SNTG1: variants seen among roughly 807,000 people sequenced by gnomAD.
SNTG1 encodes gamma-1-syntrophin.
A neutral mutation model predicts 74.7 loss-of-function variants in SNTG1; 39 were observed. The ratio of observed to expected loss-of-function variants is 0.52; its 90% CI spans 0.40 to 0.68. SNTG1 has a LOEUF of 0.68. Ranked by LOEUF, SNTG1 falls within the 30% of genes least tolerant of loss-of-function variation. SNTG1 has a pLI of 0.00. For synonymous variants in SNTG1, 254 were observed against 217.1 expected (o/e 1.17, Z -1.49); for missense variants, 685 against 609.5 (o/e 1.12, Z -1.30).
intron 9 of SNTG1, among the ~76,000 whole-genome samples, chr8:50,525,863 G>C (rs2130244747): frequency 6.6e-6 from 1 of 150,954 alleles, no homozygotes; most frequent in Middle Eastern, 3.4e-3. Flanking sequence ...TTGGTTTTCG[G>C]TGGTTTATTT....
chr8:50,179,557 CA>C (rs1319422497), intron 2 of SNTG1, among the ~76,000 whole-genome samples: 1 of 151,986 alleles, frequency 6.6e-6, no homozygotes, highest in African/African-American at 2.4e-5. Context: ...AATTAATACT[CA>C]AAATACATAA....
chr8:50,209,044 G>T (rs1466093028), intron 2 of SNTG1, among the ~76,000 whole-genome samples: 2 of 152,148 alleles, frequency 1.3e-5, no homozygotes, highest in East Asian at 3.9e-4. Context: ...TTTTCCAACA[G>T]TCTTAGAAAA....
At chr8:50,359,603 T>C (rs1336413330) in intron 2 of SNTG1, among the ~76,000 whole-genome samples, 1 of 152,184 alleles carries the variant, frequency 6.6e-6, no homozygotes, top group Non-Finnish European at 1.5e-5. Context: ...TAAGGAGATT[T>C]TGGAAATCTG....
intron 12 of SNTG1, among the ~76,000 whole-genome samples, chr8:50,587,187 CATA>C (rs2094655323): frequency 6.6e-6 from 1 of 151,312 alleles, no homozygotes; most frequent in Non-Finnish European, 1.5e-5. Context: ...TATACATACA[CATA>C]TATGCATACA....
At chr8:50,387,782 C>G (rs997417738) in intron 2 of SNTG1, among the ~76,000 whole-genome samples, 3 of 152,108 alleles carry the variant, frequency 2.0e-5, no homozygotes, top group African/African-American at 7.2e-5. Flanking sequence ...TCACCTGTTG[C>G]CACTTGAGTG....
chr8:50,340,279 CA>C (rs2091281195), intron 2 of SNTG1, among the ~76,000 whole-genome samples: 1 of 151,768 alleles, frequency 6.6e-6, no homozygotes, highest in Non-Finnish European at 1.5e-5. Flanking sequence ...TGAAGAAGAG[CA>C]AAACAGAAGA....
chr8:50,345,113 C>G (rs1216204265), intron 2 of SNTG1, among the ~76,000 whole-genome samples: 2 of 152,140 alleles, frequency 1.3e-5, no homozygotes, highest in African/African-American at 2.4e-5. Context: ...GTTGGTTGAG[C>G]CACCCAGCCT....
chr8:50,128,242 G>A (rs763730313), intron 1 of SNTG1, among the ~76,000 whole-genome samples: 1 of 152,046 alleles, frequency 6.6e-6, no homozygotes, highest in South Asian at 2.1e-4. Flanking sequence ...ATGGTGAACA[G>A]GAATGAAAAT....
chr8:50,305,012 C>T (rs2089823250), intron 2 of SNTG1, among the ~76,000 whole-genome samples: 1 of 152,130 alleles, frequency 6.6e-6, no homozygotes, highest in African/African-American at 2.4e-5. Context: ...AAGCGATTCT[C>T]CTACCTCAGC....
At chr8:50,341,070 TTTG>T (rs998806619) in intron 2 of SNTG1, among the ~76,000 whole-genome samples, 1 of 151,892 alleles carries the variant, frequency 6.6e-6, no homozygotes, top group African/African-American at 2.4e-5. Flanking sequence ...TTCAGCTGCT[TTTG>T]TTGTTGTTTG....
intron 4 of SNTG1, among the ~76,000 whole-genome samples, chr8:50,407,356 G>A (rs1248375101): frequency 1.3e-5 from 2 of 152,142 alleles, no homozygotes; most frequent in African/African-American, 4.8e-5. Context: ...TTATCTAGAA[G>A]CAATGCTCTG....
rs529278432 is a variant in SNTG1, at chr8:50,597,330, C to CAT, written c.849+6421_849+6422dup. On this transcript the variant is annotated intron_variant, in intron 13 of 18. Transcript: ENST00000642720. ...ATACATATATACACGTATATATACA[C>CAT]ATATATATACATATATACACGTATA... 2.0e-3 allele frequency among the ~76,000 whole-genome samples: 294 copies of CAT among 146,334 alleles called. 3 individuals carry two copies. The highest frequency in any genetic ancestry group is 0.011 in the Middle Eastern group (3 of 278).
rs564233863 is a variant in SNTG1, at chr8:49,998,920, G to A, written c.-103+86689G>A. Among the ~76,000 whole-genome samples the A allele has an allele frequency of 1.2e-4, 19 of 152,234 alleles. 1 individual carries two copies. The South Asian group carries it at 3.9e-3, about 32-fold the overall frequency. ...TATCATTATCCAGTATTATGTACTG[G>A]ATAACTGTGTGTGCAGACTTCTATA... On this transcript the variant is annotated intron_variant, in intron 1 of 18. Coordinates refer to ENST00000642720, the MANE Select transcript of SNTG1 (RefSeq NM_018967.5).
At chr8:50,588,374 C>T (rs1585772574) in intron 12 of SNTG1, among the ~76,000 whole-genome samples, 1 of 152,118 alleles carries the variant, frequency 6.6e-6, no homozygotes, top group Non-Finnish European at 1.5e-5. Flanking sequence ...ACATTTCTTG[C>T]TGCCACAGTG....
chr8:50,770,643 C>T (rs1262537555), intron 18 of SNTG1, among the ~76,000 whole-genome samples: 2 of 152,058 alleles, frequency 1.3e-5, no homozygotes, highest in African/African-American at 4.8e-5. Flanking sequence ...GGCTTCTCCC[C>T]TCTGAAACTC....
intron 8 of SNTG1, among the ~76,000 whole-genome samples, chr8:50,451,628 T>C (rs2093458587): frequency 6.6e-6 from 1 of 152,196 alleles, no homozygotes; most frequent in South Asian, 2.1e-4. Context: ...AGCCCTGGAA[T>C]TAGATATTCT....
intron 15 of SNTG1, among the ~76,000 whole-genome samples, chr8:50,695,225 C>A (rs1401889046): frequency 1.3e-5 from 2 of 150,846 alleles, no homozygotes; most frequent in Non-Finnish European, 3.0e-5. Flanking sequence ...ACAAAAAAAA[C>A]CGTTAAAAAT....
At chr8:50,400,961 A>C (rs1218615049) in intron 3 of SNTG1, among the ~76,000 whole-genome samples, 1 of 152,178 alleles carries the variant, frequency 6.6e-6, no homozygotes, top group African/African-American at 2.4e-5. Flanking sequence ...GAATGTTCTC[A>C]CAACACATAT....
At chr8:50,339,224 A>G (rs2091244271) in intron 2 of SNTG1, among the ~76,000 whole-genome samples, 2 of 152,144 alleles carry the variant, frequency 1.3e-5, no homozygotes, top group African/African-American at 4.8e-5. Context: ...AATGTAAAGA[A>G]GGAATGAAAC....
Sources: allele counts gnomAD v4.1 joint callset (sites outside exome capture counted in the v4.1 genomes callset), GRCh38; gene constraint gnomAD v4.1.1; transcripts MANE v1.5; gene names NCBI Gene and HGNC (gene_info 2026-07-23, HGNC 2026-07-21).